LIPA: variants seen among roughly 807,000 people sequenced by gnomAD.
LIPA encodes the protein lipase A, lysosomal acid type.
Under a neutral mutation model 40.6 loss-of-function variants are expected in LIPA, and 26 were observed. The ratio of observed to expected loss-of-function variants is 0.64; its 90% CI spans 0.47 to 0.89. The LOEUF (loss-of-function observed/expected upper bound fraction) is 0.89, where lower values mean the gene tolerates loss of function less well. Among genes scored for constraint, LIPA ranks in the 40% least tolerant of loss-of-function variants. The pLI is 0.00. For missense variants in LIPA, 455 were observed against 479.6 expected (o/e 0.95, Z 0.48); for synonymous variants, 188 against 168.4 (o/e 1.12, Z -0.90).
chr10:89,406,138 T>G (rs927065007), intron 2 of LIPA: 1 of 152,202 alleles, frequency 6.6e-6, no homozygotes, highest in Non-Finnish European at 1.5e-5. Context: ...GTGCAGGATG[T>G]TCAGGTTTGT....
At chr10:89,411,723 G>A (rs1283330341) in intron 2 of LIPA, among the ~76,000 whole-genome samples, 2 of 152,178 alleles carry the variant, frequency 1.3e-5, no homozygotes, top group African/African-American at 4.8e-5. Flanking sequence ...TGAGAAAGGA[G>A]GACTGTGCAG....
chr10:89,368,928 A>T (rs1589623933), intron 2 of LIPA, among the ~76,000 whole-genome samples: 1 of 64,328 alleles, frequency 1.6e-5, no homozygotes, highest in South Asian at 7.4e-4. Context: ...CACAAAACTC[A>T]CACACACACA....
chr10:89,231,763 ACAT>A (rs1842845367), intron 3 of LIPA, among the ~76,000 whole-genome samples: 1 of 152,184 alleles, frequency 6.6e-6, no homozygotes, highest in Admixed American at 6.5e-5. Flanking sequence ...CAGAAGTGAA[ACAT>A]CATGTATGGC....
Position 89,377,490 on chromosome 10 carries a change from G to T in LIPA, c.61+35301C>A, listed in dbSNP as rs138638345. ...GTTGGCAGTAATGCAAATGCTGCTG[G>T]AGGATGTAACCAGTATGGGACCCTT... On this transcript the variant is annotated intron_variant, in intron 2 of 8. Transcript: ENST00000371837. Among the ~76,000 whole-genome samples, 259 of 152,314 alleles carry T rather than the reference G, an allele frequency of 1.7e-3. 5 individuals are homozygous for T. In the East Asian group the frequency reaches 0.043, roughly 25 times the overall value.
intron 8 of LIPA, 144 bp from the exon 9 acceptor site, chr10:89,216,153 A>G: frequency 1.5e-6 from 1 of 688,526 alleles, no homozygotes; most frequent in Non-Finnish European, 2.6e-6. Flanking sequence ...CATTATTTTA[A>G]ATGAGATGGC....
intron 4 of LIPA, 33 bp downstream of exon 4, chr10:89,228,167 A>T (rs1198375985): frequency 6.3e-7 from 1 of 1,574,982 alleles, no homozygotes; most frequent in Admixed American, 1.7e-5. Context: ...GTACTAAGGA[A>T]ATACATCCAT....
At chr10:89,276,816 CAATT>C (rs1337652420) in intron 1 of LIPA, among the ~76,000 whole-genome samples, 10 of 152,122 alleles carry the variant, frequency 6.6e-5, no homozygotes, top group African/African-American at 1.9e-4. Flanking sequence ...ATTAGAATAT[CAATT>C]AATTAATAAT....
chr10:89,219,023 T>C (rs1213677498), intron 8 of LIPA, among the ~76,000 whole-genome samples: 1 of 152,236 alleles, frequency 6.6e-6, no homozygotes, highest in Non-Finnish European at 1.5e-5. Context: ...TGGCTATTGC[T>C]GGGTGCTAGA....
chr10:89,405,259 T>G (rs754762215), intron 2 of LIPA: 3 of 152,212 alleles, frequency 2.0e-5, no homozygotes, highest in Non-Finnish European at 4.4e-5. Flanking sequence ...TTTGCTGATA[T>G]TAATCTAGTT....
intron 1 of LIPA, among the ~76,000 whole-genome samples, chr10:89,316,227 G>A (rs902903411): frequency 6.6e-6 from 1 of 152,192 alleles, no homozygotes; most frequent in African/African-American, 2.4e-5. Flanking sequence ...TTGTCAGATA[G>A]TGGGTGCAGC....
At position 89,384,389 on chromosome 10, in the gene LIPA, C is replaced by A. The variant is rs773893103; in HGVS notation, c.61+28402G>T. 1.9e-5 allele frequency: 31 copies of A among 1,613,976 alleles called. No homozygotes were observed. In the Admixed American group the frequency reaches 5.0e-4, roughly 26 times the overall value. On this transcript the variant is annotated intron_variant, in intron 2 of 8. Coordinates refer to the LIPA transcript ENST00000371837. ...GCAGAAATAGGCCACCACAGAAAGGCTGAGGAACATTTTCAGAAAGGGTTA... is the reference window on the plus strand; with the variant it reads ...GCAGAAATAGGCCACCACAGAAAGGATGAGGAACATTTTCAGAAAGGGTTA...
chr10:89,246,484 T>A (rs1480557183), intron 2 of LIPA, among the ~76,000 whole-genome samples: 1 of 152,146 alleles, frequency 6.6e-6, no homozygotes, highest in Non-Finnish European at 1.5e-5. Flanking sequence ...ATTTTAAAAG[T>A]TGGAAAAATT....
At chr10:89,349,349 T>C (rs527543983) in intron 2 of LIPA, among the ~76,000 whole-genome samples, 1 of 152,336 alleles carries the variant, frequency 6.6e-6, no homozygotes, top group East Asian at 1.9e-4. Context: ...AAAGAGGGTA[T>C]ATAAGCTTCT....
intron 2 of LIPA, among the ~76,000 whole-genome samples, chr10:89,382,541 T>C (rs1382453985): frequency 6.6e-6 from 1 of 152,230 alleles, no homozygotes; most frequent in Non-Finnish European, 1.5e-5. Flanking sequence ...TGTTGAGATT[T>C]TATAGCCTGT....
chr10:89,383,500 C>T (rs1844178429), intron 2 of LIPA: 8 of 1,614,184 alleles, frequency 5.0e-6, no homozygotes, highest in Non-Finnish European at 5.1e-6. Context: ...CTATGTGAAA[C>T]ACCTGAAAGG....
chr10:89,392,739 T>C, intron 2 of LIPA: 1 of 1,613,056 alleles, frequency 6.2e-7, no homozygotes, highest in Non-Finnish European at 8.5e-7. Context: ...TTTGCTCCTC[T>C]GCCATAATGT....
intron 2 of LIPA, chr10:89,404,895 G>C (rs1436034791): frequency 6.6e-6 from 1 of 152,062 alleles, no homozygotes; most frequent in Non-Finnish European, 1.5e-5. Flanking sequence ...CAGGGAGTTC[G>C]AGGCTGCAGT....
intron 2 of LIPA, among the ~76,000 whole-genome samples, chr10:89,406,898 G>A (rs912399059): frequency 3.3e-5 from 5 of 152,074 alleles, no homozygotes; most frequent in East Asian, 1.9e-4. Context: ...GAGTACCATC[G>A]GACCCCTTTC....
At chr10:89,384,032 T>C in intron 2 of LIPA, 1 of 1,614,186 alleles carries the variant, frequency 6.2e-7, no homozygotes, top group South Asian at 1.1e-5. Context: ...GAAAAGTACA[T>C]TGAAGAAGCT....
Sources: allele counts gnomAD v4.1 joint callset (sites outside exome capture counted in the v4.1 genomes callset), GRCh38; gene constraint gnomAD v4.1.1; transcripts MANE v1.5; gene names NCBI Gene and HGNC (gene_info 2026-07-23, HGNC 2026-07-21).